The following AGGF1 variants were observed in gnomAD, a reference collection of about 807,000 sequenced individuals.
AGGF1 encodes the protein angiogenic factor with G-patch and FHA domains 1, also known as angiogenic factor with G patch and FHA domains 1.
In AGGF1, 56 loss-of-function variants were observed where a neutral mutation model predicts 86.5. The ratio of observed to expected loss-of-function variants is 0.65; its 90% CI spans 0.52 to 0.81. The LOEUF (loss-of-function observed/expected upper bound fraction) is 0.81, where lower values mean the gene tolerates loss of function less well. Among genes scored for constraint, AGGF1 ranks in the 30% least tolerant of loss-of-function variants. The probability of loss-of-function intolerance (pLI) is 0.00; values close to 1 mark genes in which losing one functional copy is unlikely to be tolerated. For synonymous variants in AGGF1, 313 were observed against 297.1 expected (o/e 1.05, Z -0.55); for missense variants, 816 against 850.9 (o/e 0.96, Z 0.51).
intron 5 of AGGF1, among the ~76,000 whole-genome samples, chr5:77,043,543 C>G (rs1205203468): frequency 5.5e-5 from 8 of 146,340 alleles, no homozygotes; most frequent in South Asian, 2.2e-4. Context: ...GGCTGACCCC[C>G]CCACCTCCCT....
At chr5:77,037,265 A>G (rs1241764267) in intron 4 of AGGF1, among the ~76,000 whole-genome samples, 1 of 152,210 alleles carries the variant, frequency 6.6e-6, no homozygotes, top group Non-Finnish European at 1.5e-5. Flanking sequence ...AGTTAACTAC[A>G]TCGTAAATAT....
chr5:77,059,024 T>A (rs1046188250), intron 11 of AGGF1, among the ~76,000 whole-genome samples: 6 of 152,208 alleles, frequency 3.9e-5, no homozygotes, highest in Non-Finnish European at 8.8e-5. Flanking sequence ...ATGGGTTTTT[T>A]AAAAGTCTCT....
In AGGF1 at chr5:77,052,708, T is replaced by G. The variant is rs374316835; in HGVS notation, c.1368T>G (p.Phe456Leu). The change falls in exon 9 of 14, where the codon TTT (phenylalanine) becomes TTG (leucine). Residue 456 changes from phenylalanine (F) to leucine (L), a missense_variant and splice_region_variant. By Grantham distance (22) the Phe-to-Leu change is conservative. Around this residue, in one of 3 missense-constraint regions of AGGF1, gnomAD observed 565 missense variants for 585.8 expected, o/e 0.96. Coordinates refer to ENST00000312916, the MANE Select transcript of AGGF1 (RefSeq NM_018046.5). Reference protein sequence around the residue: ...LRIPEVGVSKFHAEIYFDHDL... With the variant: ...LRIPEVGVSKLHAEIYFDHDL... ...ATTGCTTGATTTCACTTTCTAAGTT[T>G]CATGCAGAAATTTATTTTGACCATG... 3.1e-6 allele frequency: 5 copies of G among 1,611,380 alleles called. No homozygotes were observed. Among genetic ancestry groups the G allele is most frequent in the African/African-American group, 1.3e-5 (1 of 74,876 alleles).
chr5:77,035,060 A>C (rs1746937981), intron 2 of AGGF1, among the ~76,000 whole-genome samples: 1 of 152,224 alleles, frequency 6.6e-6, no homozygotes, highest in South Asian at 2.1e-4. Flanking sequence ...ATTGCTAAAC[A>C]TAGCAATAGT....
At chr5:77,036,435 CT>C in intron 3 of AGGF1, 120 bp from the exon 4 acceptor site, 1 of 1,012,224 alleles carries the variant, frequency 9.9e-7, no homozygotes, top group Non-Finnish European at 1.5e-6. Flanking sequence ...GATAGTCATG[CT>C]TTTCCTTTGT....
intron 8 of AGGF1, among the ~76,000 whole-genome samples, chr5:77,049,379 A>G (rs913327831): frequency 1.3e-5 from 2 of 152,082 alleles, no homozygotes; most frequent in African/African-American, 4.8e-5. Context: ...CCAAGAATAT[A>G]TCCTATACCA....
At chr5:77,045,263 C>A (rs1406831329) in intron 5 of AGGF1, among the ~76,000 whole-genome samples, 1 of 152,154 alleles carries the variant, frequency 6.6e-6, no homozygotes, top group Non-Finnish European at 1.5e-5. Flanking sequence ...TTGTATAACA[C>A]GGTGACTATT....
At chr5:77,036,935 C>T (rs1408511440) in intron 4 of AGGF1, among the ~76,000 whole-genome samples, 2 of 152,100 alleles carry the variant, frequency 1.3e-5, no homozygotes, top group African/African-American at 2.4e-5. Context: ...GGCAGGGTTT[C>T]GCCATGTCGG....
intron 8 of AGGF1, among the ~76,000 whole-genome samples, chr5:77,052,309 C>T (rs371673079): frequency 6.6e-6 from 1 of 151,748 alleles, no homozygotes; most frequent in Non-Finnish European, 1.5e-5. Context: ...GCGGTGATCA[C>T]ACCACTGCAC....
chr5:77,033,591 A>G (rs532429684), intron 1 of AGGF1, among the ~76,000 whole-genome samples: 1 of 152,358 alleles, frequency 6.6e-6, no homozygotes, highest in South Asian at 2.1e-4. Context: ...TTTCACGATC[A>G]GTGTCTTGCT....
At chr5:77,040,557 G>C (rs532010643) in intron 5 of AGGF1, among the ~76,000 whole-genome samples, 8 of 152,240 alleles carry the variant, frequency 5.3e-5, no homozygotes, top group African/African-American at 1.9e-4. Flanking sequence ...TATTATGTAG[G>C]CTTTCAGATG....
rs557273618 is a variant in AGGF1 at position 77,046,563 on chromosome 5, G to A, written c.1087G>A (p.Glu363Lys). ...STSFKDEKIM[E>K]TDSEPEEGEI... ...ATCATTTAAAGATGAGAAAATCATG[G>A]AGACTGATAGTGAACCAGAGGAAGG... The change falls in exon 6 of 14, where the codon GAG becomes AAG. Residue 363 changes from glutamate to lysine, a missense_variant. This residue lies in a region of AGGF1 where 565 missense variants were observed against 585.8 expected (regional missense o/e 0.96). Transcript: ENST00000312916. 6 of 1,613,762 alleles carry A rather than the reference G, an allele frequency of 3.7e-6. No individual in the cohort carries two copies. The highest frequency in any genetic ancestry group is 2.2e-5 in the East Asian group (1 of 44,868).
chr5:77,046,119 G>A (rs13358810), intron 5 of AGGF1, among the ~76,000 whole-genome samples: 25,327 of 152,104 alleles, frequency 0.17, 2,644 homozygotes, highest in Non-Finnish European at 0.21. Flanking sequence ...ATATGGTTAA[G>A]GGGATCTCAG....
intron 2 of AGGF1, among the ~76,000 whole-genome samples, chr5:77,035,187 A>C (rs950513490): frequency 6.6e-6 from 1 of 152,254 alleles, no homozygotes; most frequent in African/African-American, 2.4e-5. Context: ...GTTGATAAGC[A>C]ACAGTATTAA....
intron 13 of AGGF1, among the ~76,000 whole-genome samples, chr5:77,062,009 T>G (rs1247745754): frequency 1.3e-5 from 2 of 152,178 alleles, no homozygotes; most frequent in African/African-American, 2.4e-5. Context: ...CTTTTTGAGT[T>G]TTTTTCCCTA....
Position 77,054,029 on chromosome 5 carries a change from T to C in AGGF1, c.1532T>C (p.Val511Ala). The part of the protein sequence containing the change: ...HGDEVKIGET[V>A]LSFHIHPGSD... The stretch of plus-strand genomic sequence containing the variant: ...GATGAAGTCAAAATTGGAGAAACTG[T>C]CTTATCCTTTCACATTCATCCTGGC... Residue 511 changes from valine (V) to alanine (A), a missense_variant, in exon 10 of 14, where the codon GTC (valine) becomes GCC (alanine). By Grantham distance (64) the Val-to-Ala change is moderately conservative. This residue lies in a region of AGGF1 where 565 missense variants were observed against 585.8 expected (regional missense o/e 0.96). Coordinates refer to ENST00000312916, the MANE Select transcript of AGGF1 (RefSeq NM_018046.5). 6.2e-7 allele frequency: 1 copy of C among 1,614,184 alleles called. No homozygotes were observed. Among genetic ancestry groups the C allele is most frequent in the Admixed American group, 1.7e-5 (1 of 60,026 alleles).
At chr5:77,033,955 A>G (rs1746917340) in intron 1 of AGGF1, among the ~76,000 whole-genome samples, 1 of 152,162 alleles carries the variant, frequency 6.6e-6, no homozygotes, top group Non-Finnish European at 1.5e-5. Context: ...ACAGTTACTT[A>G]ATTATAGGAC....
rs764089489 is a variant in AGGF1, at chr5:77,046,509, C to T, written c.1033C>T (p.Pro345Ser). The change falls in exon 6 of 14, where the codon CCT becomes TCT. Residue 345 changes from proline (P) to serine (S), a missense_variant. Pro to Ser is a moderately conservative substitution (Grantham distance 74). Around this residue, in one of 3 missense-constraint regions of AGGF1, gnomAD observed 565 missense variants for 585.8 expected, o/e 0.96. Coordinates refer to ENST00000312916, the MANE Select transcript of AGGF1 (RefSeq NM_018046.5). ...VPTSGNTIES[P>S]LHENISNSTS... ...AACTAGTGGAAATACTATAGAGTCT[C>T]CTCTTCATGAAAACATCTCTAATTC... 63 of 1,613,928 alleles carry T rather than the reference C, an allele frequency of 3.9e-5. No individual in the cohort carries two copies. Among genetic ancestry groups the T allele is most frequent in the Non-Finnish European group, 5.3e-5 (63 of 1,179,982 alleles).
intron 8 of AGGF1, among the ~76,000 whole-genome samples, chr5:77,050,188 C>T (rs1747344541): frequency 2.6e-5 from 4 of 151,246 alleles, no homozygotes. Context: ...CTCCTGCCTC[C>T]AAAAAAATAA....
Sources: allele counts gnomAD v4.1 joint callset (sites outside exome capture counted in the v4.1 genomes callset), GRCh38; gene constraint gnomAD v4.1.1; regional missense constraint gnomAD v4.1.1; transcripts MANE v1.5; gene names NCBI Gene and HGNC (gene_info 2026-07-23, HGNC 2026-07-21).